L3MBTL4: variants seen among roughly 807,000 people sequenced by gnomAD.
The protein encoded by L3MBTL4 is L3MBTL histone methyl-lysine binding protein 4.
In L3MBTL4, 70 loss-of-function variants were observed where a neutral mutation model predicts 84.5. The ratio of observed to expected loss-of-function variants is 0.83; its 90% CI spans 0.68 to 1.01. The LOEUF (loss-of-function observed/expected upper bound fraction) is 1.01, where lower values mean the gene tolerates loss of function less well. L3MBTL4 is among the 50% of genes least tolerant of loss of function. The pLI, the probability that L3MBTL4 is intolerant of heterozygous loss-of-function variation, is 0.00. For synonymous variants in L3MBTL4, 274 were observed against 259.8 expected (o/e 1.05, Z -0.52); for missense variants, 715 against 754.8 (o/e 0.95, Z 0.62).
chr18:6,089,716 A>T (rs749419825), intron 15 of L3MBTL4, among the ~76,000 whole-genome samples: 2 of 152,240 alleles, frequency 1.3e-5, no homozygotes, highest in Non-Finnish European at 2.9e-5. Flanking sequence ...ATGAAATAAA[A>T]TTAACACTAT....
At chr18:6,051,498 C>T (rs1398998009) in intron 16 of L3MBTL4, among the ~76,000 whole-genome samples, 1 of 151,556 alleles carries the variant, frequency 6.6e-6, no homozygotes, top group African/African-American at 2.4e-5. Flanking sequence ...GAGATCATGC[C>T]ATTGCATTCC....
rs373941763 is a variant in L3MBTL4 at position 5,969,508 on chromosome 18, G to A, written c.1499C>T (p.Thr500Met). ...GTCCCGAAAAGGGTGGGCTGACACC[G>A]TGGACATGGACACTGACTGGTGAAG... ...QVLHQSVSMSTVSAHPFRDLP... is the reference protein window; with the variant it reads ...QVLHQSVSMSMVSAHPFRDLP... The change falls in exon 17 of 19, where the codon ACG becomes ATG. Residue 500 changes from threonine to methionine, a missense_variant. Transcript: ENST00000317931. The A allele has an allele frequency of 1.4e-5, 23 of 1,613,650 alleles. No individual in the cohort carries two copies. The highest frequency in any genetic ancestry group is 6.7e-5 in the Admixed American group (4 of 59,960).
intron 14 of L3MBTL4, among the ~76,000 whole-genome samples, chr18:6,121,937 C>T (rs2059543287): frequency 6.6e-6 from 1 of 152,132 alleles, no homozygotes. Flanking sequence ...AAGTGAGAGG[C>T]ATAATTTCAA....
chr18:6,194,516 T>C (rs1165722051), intron 12 of L3MBTL4, among the ~76,000 whole-genome samples: 3 of 152,232 alleles, frequency 2.0e-5, no homozygotes, highest in Non-Finnish European at 2.9e-5. Context: ...CCGTGGGAAG[T>C]GGCCCATTTA....
At chr18:6,073,178 A>C (rs1002415093) in intron 16 of L3MBTL4, among the ~76,000 whole-genome samples, 1 of 151,266 alleles carries the variant, frequency 6.6e-6, no homozygotes, top group African/African-American at 2.4e-5. Context: ...AGAGAGAGTG[A>C]GAGAGACAGA....
intron 10 of L3MBTL4, among the ~76,000 whole-genome samples, chr18:6,222,964 AT>A (rs1347016194): frequency 6.5e-4 from 97 of 148,346 alleles, no homozygotes; most frequent in African/African-American, 2.2e-3. Context: ...ATATAATATA[AT>A]ATAATATAAT....
At chr18:6,056,032 G>A (rs56993823) in intron 16 of L3MBTL4, among the ~76,000 whole-genome samples, 1 of 152,074 alleles carries the variant, frequency 6.6e-6, no homozygotes, top group Non-Finnish European at 1.5e-5. Flanking sequence ...CAGTGTTTCG[G>A]GGGGAGTGGT....
At chr18:6,121,685 C>CGT (rs762077935) in intron 14 of L3MBTL4, among the ~76,000 whole-genome samples, 5,793 of 142,724 alleles carry the variant, frequency 0.041, 154 homozygotes, top group African/African-American at 0.089. Flanking sequence ...ATTGTTTCCC[C>CGT]GTGTGTGTGT....
intron 1 of L3MBTL4, among the ~76,000 whole-genome samples, chr18:6,329,823 CT>C: frequency 6.6e-6 from 1 of 152,268 alleles, no homozygotes; most frequent in Non-Finnish European, 1.5e-5. Context: ...AGGCTCTTGC[CT>C]TTTAAATGCT....
intron 16 of L3MBTL4, among the ~76,000 whole-genome samples, chr18:6,051,285 T>C (rs1430952182): frequency 6.6e-6 from 1 of 152,204 alleles, no homozygotes; most frequent in Non-Finnish European, 1.5e-5. Flanking sequence ...ACGCCTGTAA[T>C]CCCAGCACTT....
chr18:6,411,740 C>T (rs889302888), intron 1 of L3MBTL4, among the ~76,000 whole-genome samples: 4 of 152,132 alleles, frequency 2.6e-5, no homozygotes, highest in African/African-American at 9.7e-5. Flanking sequence ...AGGATCACCC[C>T]CATAGTCGCT....
At chr18:5,974,445 C>A (rs2052801317) in intron 16 of L3MBTL4, among the ~76,000 whole-genome samples, 1 of 151,764 alleles carries the variant, frequency 6.6e-6, no homozygotes, top group African/African-American at 2.4e-5. Context: ...CACACTGGAA[C>A]CTGGTTGATT....
At chr18:5,977,077 C>A (rs935246323) in intron 16 of L3MBTL4, among the ~76,000 whole-genome samples, 1 of 152,130 alleles carries the variant, frequency 6.6e-6, no homozygotes, top group African/African-American at 2.4e-5. Flanking sequence ...CAACAGCTCT[C>A]AATGGGTAAC....
chr18:6,010,954 C>T (rs1047915625), intron 16 of L3MBTL4, among the ~76,000 whole-genome samples: 2 of 152,166 alleles, frequency 1.3e-5, no homozygotes, highest in South Asian at 4.1e-4. Context: ...TTCAGTGACA[C>T]CTTCCAAAAT....
chr18:6,168,142 G>T (rs1020599851), intron 13 of L3MBTL4, among the ~76,000 whole-genome samples: 1 of 152,036 alleles, frequency 6.6e-6, no homozygotes, highest in South Asian at 2.1e-4. Context: ...CCTCTTCAAG[G>T]AGAACTACAA....
intron 14 of L3MBTL4, among the ~76,000 whole-genome samples, chr18:6,130,025 C>G (rs1481141273): frequency 2.0e-5 from 3 of 152,136 alleles, no homozygotes; most frequent in Non-Finnish European, 1.5e-5. Flanking sequence ...TGCCATTGTA[C>G]TTCCCAAAAC....
intron 10 of L3MBTL4, among the ~76,000 whole-genome samples, chr18:6,220,670 T>C (rs1568335818): frequency 1.3e-5 from 2 of 152,258 alleles, no homozygotes; most frequent in Non-Finnish European, 2.9e-5. Flanking sequence ...TAGGAATATG[T>C]TCACTTCACT....
intron 12 of L3MBTL4, among the ~76,000 whole-genome samples, chr18:6,194,817 C>G (rs2045302241): frequency 1.3e-5 from 2 of 152,206 alleles, no homozygotes; most frequent in Admixed American, 1.3e-4. Flanking sequence ...TTGAGGGGCC[C>G]TGCCCAGGTC....
At chr18:6,345,215 C>CAAAAA (rs35502624) in intron 1 of L3MBTL4, among the ~76,000 whole-genome samples, 51 of 38,460 alleles carry the variant, frequency 1.3e-3, no homozygotes, top group South Asian at 2.4e-3. Flanking sequence ...TACTAAAATA[C>CAAAAA]AAAAAAAAAA....
Sources: allele counts gnomAD v4.1 joint callset (sites outside exome capture counted in the v4.1 genomes callset), GRCh38; gene constraint gnomAD v4.1.1; transcripts MANE v1.5; gene names NCBI Gene and HGNC (gene_info 2026-07-23, HGNC 2026-07-21).